Variants in STAT3 observed in about 807,000 individuals in gnomAD.
STAT3 encodes signal transducer and activator of transcription 3.
In STAT3, 7 loss-of-function variants were observed where a neutral mutation model predicts 114.3. That is an observed-to-expected ratio of 0.06 (90% CI 0.03 to 0.11). The LOEUF is 0.11. Ranked by LOEUF, STAT3 falls within the 10% of genes least tolerant of loss-of-function variation. The pLI is 1.00. For synonymous variants in STAT3, 331 were observed against 354.5 expected (o/e 0.93, Z 0.74); for missense variants, 364 against 960.9 (o/e 0.38, Z 8.21).
chr17:42,375,045 C>T (rs1346890790), intron 1 of STAT3, among the ~76,000 whole-genome samples: 1 of 152,128 alleles, frequency 6.6e-6, no homozygotes. Flanking sequence ...GGAATTAACC[C>T]CAGCAGTCAG....
chr17:42,354,411 G>A (rs1253520807), intron 1 of STAT3, among the ~76,000 whole-genome samples: 10 of 149,414 alleles, frequency 6.7e-5, no homozygotes, highest in South Asian at 2.1e-4. Context: ...CTCGTGATCC[G>A]CCCGCCTCGG....
At chr17:42,368,671 G>A (rs112379688) in intron 1 of STAT3, among the ~76,000 whole-genome samples, 6 of 150,988 alleles carry the variant, frequency 4.0e-5, no homozygotes, top group African/African-American at 1.5e-4. Context: ...CGTTAGCCAA[G>A]CTGGTCTCGA....
intron 4 of STAT3, among the ~76,000 whole-genome samples, chr17:42,340,213 G>T (rs1447334073): frequency 6.6e-6 from 1 of 151,842 alleles, no homozygotes; most frequent in Non-Finnish European, 1.5e-5. Flanking sequence ...AAAGTTAGCT[G>T]AGCTTGGTGG....
At chr17:42,366,670 C>CA (rs34003618) in intron 1 of STAT3, among the ~76,000 whole-genome samples, 791 of 57,424 alleles carry the variant, frequency 0.014, 17 homozygotes, top group African/African-American at 0.04. Flanking sequence ...GATCCTGTCT[C>CA]AAAAAAAAAA....
At chr17:42,346,487 G>C (rs2082706102) in intron 3 of STAT3, 82 bp downstream of exon 3, 1 of 1,595,100 alleles carries the variant, frequency 6.3e-7, no homozygotes, top group East Asian at 2.2e-5. Context: ...AGCCAAATGA[G>C]AAAAGAGATG....
At chr17:42,329,387 C>T (rs2144765549) in intron 14 of STAT3, 23 bp downstream of exon 14, 2 of 1,613,288 alleles carry the variant, frequency 1.2e-6, no homozygotes, top group Non-Finnish European at 1.7e-6. Context: ...CCCCAGTTGT[C>T]TTTCATCCCC....
In STAT3 at chr17:42,314,970, C is replaced by T. The variant is rs1170372525; in HGVS notation, c.*775G>A. 2 of 175,666 alleles carry T rather than the reference C, an allele frequency of 1.1e-5. No individual in the cohort carries two copies. Among genetic ancestry groups the T allele is most frequent in the African/African-American group, 2.4e-5 (1 of 41,698 alleles). The allele number at this position is 175,666 out of a possible 1,614,324, so 10.9% of individuals were successfully genotyped here. On this transcript the variant is annotated 3_prime_UTR_variant, in exon 24 of 24. Coordinates refer to ENST00000264657, the MANE Select transcript of STAT3 (RefSeq NM_139276.3). ...CCGCCTCTCAGGTTCAAGCGATTCT[C>T]CTGCCTCAGCCTCCCGAGTAGCTGG...
In STAT3 at chr17:42,313,490, C is replaced by T. The variant is rs886052931; in HGVS notation, c.*2255G>A. 3 of 225,892 alleles carry T rather than the reference C, an allele frequency of 1.3e-5. No homozygotes were observed. The highest frequency in any genetic ancestry group is 2.2e-5 in the African/African-American group (1 of 44,706). 14.0% of individuals were successfully genotyped at this position (225,892 alleles called of 1,614,324 possible). A position where few individuals can be genotyped will look rare whatever the true frequency, so the allele number is the denominator to read the frequency against. ...AGTGGCCAGGACAGCAGCTTATAAACCACCTTATAGGTAGGTAAGCAACCC... is the reference window on the plus strand; with the variant it reads ...AGTGGCCAGGACAGCAGCTTATAAATCACCTTATAGGTAGGTAAGCAACCC... On this transcript the variant is annotated 3_prime_UTR_variant, in exon 24 of 24. Transcript: ENST00000264657.
chr17:42,333,332 T>C lies in STAT3; in HGVS notation c.1049+341A>G, dbSNP rs551676081. Reference sequence around the variant, plus strand: ...TCTCAGCTTCCCCATCACTAAGCCTTACTCTTTCCCTTAAAATCCACAGGG... The same window carrying C: ...TCTCAGCTTCCCCATCACTAAGCCTCACTCTTTCCCTTAAAATCCACAGGG... On this transcript the variant is annotated intron_variant, in intron 10 of 23. Transcript: ENST00000264657. The surrounding 1 kb of genome is among the most constrained non-coding windows in gnomAD (Gnocchi z 5.2). Among the ~76,000 whole-genome samples, 2 of 152,116 alleles carry C rather than the reference T, an allele frequency of 1.3e-5. No individual in the cohort carries two copies. The highest frequency in any genetic ancestry group is 4.1e-4 in the South Asian group (2 of 4,822).
At chr17:42,369,227 G>C (rs1424743144) in intron 1 of STAT3, among the ~76,000 whole-genome samples, 1 of 152,098 alleles carries the variant, frequency 6.6e-6, no homozygotes, top group African/African-American at 2.4e-5. Flanking sequence ...GCATGGTGGA[G>C]GGCACCTGTA....
At position 42,321,547 on chromosome 17, in the gene STAT3, C is replaced by T. The variant is rs536464725; in HGVS notation, c.2101+735G>A. 5.9e-5 allele frequency among the ~76,000 whole-genome samples: 9 copies of T among 152,314 alleles called. No individual in the cohort carries two copies. In the East Asian group the frequency reaches 1.7e-3, roughly 29 times the overall value. ...CCCTCCACCCAGTCACTGTCTTCCC[C>T]TTCAAACGTGATGCTCCCAGCTCTT... On this transcript the variant is annotated intron_variant, in intron 21 of 23. Transcript: ENST00000264657.
chr17:42,326,777 G>A lies in STAT3; in HGVS notation c.1282-578C>T, dbSNP rs368081139. Among the ~76,000 whole-genome samples the A allele has an allele frequency of 5.9e-5, 9 of 152,166 alleles. No individual in the cohort carries two copies. The East Asian group carries it at 7.7e-4, about 13-fold the overall frequency. On this transcript the variant is annotated intron_variant, in intron 14 of 23. Transcript: ENST00000264657. ...AGAGGATGCAGTGAGCCGAGATCACGCCACTGCACTCCAGCCTGGGTGACA... is the reference window on the plus strand; with the variant it reads ...AGAGGATGCAGTGAGCCGAGATCACACCACTGCACTCCAGCCTGGGTGACA...
chr17:42,370,251 CTT>C (rs34393906), intron 1 of STAT3, among the ~76,000 whole-genome samples: 11 of 139,268 alleles, frequency 7.9e-5, no homozygotes, highest in Non-Finnish European at 1.4e-4. Context: ...CACACCCAGC[CTT>C]TTTTTTTTTT....
chr17:42,317,382 C>A, intron 21 of STAT3, 158 bp from the exon 22 acceptor site: 1 of 825,042 alleles, frequency 1.2e-6, no homozygotes, highest in East Asian at 2.7e-5. Context: ...GGGTTGTCTG[C>A]CCTCATTTAT....
intron 11 of STAT3, 34 bp from the exon 12 acceptor site, chr17:42,329,810 G>C: frequency 6.2e-7 from 1 of 1,612,970 alleles, no homozygotes; most frequent in African/African-American, 1.3e-5. Context: ...AATAAAATAG[G>C]CTCTGTGTTT....
chr17:42,384,130 TTA>T (rs1491018422), intron 1 of STAT3, among the ~76,000 whole-genome samples: 73 of 80,718 alleles, frequency 9.0e-4, no homozygotes, highest in East Asian at 2.3e-3. Flanking sequence ...ATTTATTTAT[TTA>T]TTTTTTTTTT....
At position 42,317,069 on chromosome 17, in the gene STAT3, A is replaced by C. The variant is rs1453638605; in HGVS notation, c.2144+113T>G. 8.2e-6 allele frequency: 13 copies of C among 1,582,600 alleles called. No individual in the cohort carries two copies. The Admixed American group carries it at 1.1e-4, about 14-fold the overall frequency. ...CACAAGGTCACTTTGAGTACTAAAC[A>C]TAGCCCAGGGGCTTCCAACCTTTGG... is the stretch of plus-strand genomic sequence containing the variant. On this transcript the variant is annotated intron_variant, in intron 22 of 23. Coordinates refer to ENST00000264657, the MANE Select transcript of STAT3 (RefSeq NM_139276.3).
At chr17:42,361,186 T>C (rs922014956) in intron 1 of STAT3, among the ~76,000 whole-genome samples, 2 of 152,054 alleles carry the variant, frequency 1.3e-5, no homozygotes, top group African/African-American at 4.8e-5. Flanking sequence ...AGGTTTCAAA[T>C]TTCGAAAGCT....
chr17:42,355,440 G>T (rs186038310), intron 1 of STAT3, among the ~76,000 whole-genome samples: 1 of 152,084 alleles, frequency 6.6e-6, no homozygotes, highest in Non-Finnish European at 1.5e-5. Flanking sequence ...CTCCATATAG[G>T]CTGCCTTAGG....
Sources: gnomAD v4.1 joint callset for allele counts (sites outside exome capture counted in the v4.1 genomes callset) on GRCh38, gnomAD v4.1.1 for gene constraint, Gnocchi (gnomAD v3.1) non-coding constraint, MANE v1.5 for transcripts, NCBI Gene and HGNC (gene_info 2026-07-23, HGNC 2026-07-21) for gene names.